Variants in KIF6 observed in about 807,000 individuals in gnomAD.
KIF6 encodes the protein kinesin-like protein KIF6.
KIF6 carries 106 observed loss-of-function variants against 112.7 expected under a neutral mutation model. The ratio of observed to expected loss-of-function variants is 0.94; its 90% CI spans 0.80 to 1.11. The LOEUF (loss-of-function observed/expected upper bound fraction) is 1.11, where lower values mean the gene tolerates loss of function less well. KIF6 is among the 50% of genes least tolerant of loss of function. KIF6 has a pLI of 0.00. For synonymous variants in KIF6, 339 were observed against 339.9 expected, an observed-to-expected ratio of 1.00 and a Z score of 0.03; for missense variants, 929 against 964.0, an observed-to-expected ratio of 0.96 and a Z score of 0.48.
intron 7 of KIF6, among the ~76,000 whole-genome samples, 196 bp downstream of exon 7, chr6:39,595,858 G>GT (rs1283238126): frequency 6.6e-6 from 1 of 152,148 alleles, no homozygotes; most frequent in Admixed American, 6.5e-5. Context: ...GAAATGGATA[G>GT]TGCCAATGGT....
At chr6:39,430,061 G>A (rs377041603) in intron 14 of KIF6, among the ~76,000 whole-genome samples, 25 of 152,088 alleles carry the variant, frequency 1.6e-4, no homozygotes, top group African/African-American at 5.5e-4. Flanking sequence ...TTTCTCTGTC[G>A]CATCTGACAC....
At chr6:39,424,178 C>T (rs576444459) in intron 14 of KIF6, among the ~76,000 whole-genome samples, 10 of 152,302 alleles carry the variant, frequency 6.6e-5, no homozygotes, top group South Asian at 4.1e-4. Context: ...ATCTTGGGGA[C>T]GTCCCCTTTA....
At chr6:39,511,818 C>T (rs1776804625) in intron 13 of KIF6, among the ~76,000 whole-genome samples, 1 of 152,192 alleles carries the variant, frequency 6.6e-6, no homozygotes. Context: ...TGGAAACTAT[C>T]ATTCTCAGCA....
chr6:39,487,021 ATGT>A (rs1167097371), intron 13 of KIF6, among the ~76,000 whole-genome samples: 1 of 152,188 alleles, frequency 6.6e-6, no homozygotes, highest in Admixed American at 6.5e-5. Flanking sequence ...TAACAACCAA[ATGT>A]TGTTAACAGT....
At chr6:39,662,051 T>C (rs1055180868) in intron 3 of KIF6, among the ~76,000 whole-genome samples, 6 of 152,346 alleles carry the variant, frequency 3.9e-5, no homozygotes, top group African/African-American at 1.2e-4. Context: ...AATAACATTA[T>C]AGAATATATT....
intron 10 of KIF6, among the ~76,000 whole-genome samples, chr6:39,560,083 G>A (rs1033676519): frequency 6.6e-6 from 1 of 152,190 alleles, no homozygotes; most frequent in South Asian, 2.1e-4. Flanking sequence ...CAGAAAACCT[G>A]CAGGCATTCC....
intron 14 of KIF6, among the ~76,000 whole-genome samples, chr6:39,425,919 C>T (rs886590331): frequency 2.6e-5 from 4 of 152,068 alleles, no homozygotes; most frequent in East Asian, 3.9e-4. Flanking sequence ...ACCCTCGGTC[C>T]GGTTTTCCTG....
chr6:39,568,583 T>G (rs889104724), intron 10 of KIF6, among the ~76,000 whole-genome samples: 2 of 151,942 alleles, frequency 1.3e-5, no homozygotes, highest in African/African-American at 2.4e-5. Flanking sequence ...GGAGTCTTGC[T>G]CTTGTCACCC....
chr6:39,492,834 C>G (rs549937686), intron 13 of KIF6, among the ~76,000 whole-genome samples: 3 of 152,256 alleles, frequency 2.0e-5, no homozygotes, highest in Admixed American at 6.5e-5. Context: ...TGACCTTGAG[C>G]CTGATGCTTT....
intron 15 of KIF6, among the ~76,000 whole-genome samples, chr6:39,399,877 G>GC (rs1768556305): frequency 6.6e-6 from 1 of 152,238 alleles, no homozygotes; most frequent in South Asian, 2.1e-4. Context: ...CATCGCCAGG[G>GC]CCACAGGGTC....
intron 5 of KIF6, among the ~76,000 whole-genome samples, chr6:39,618,387 A>G (rs1167017081): frequency 1.3e-5 from 2 of 152,318 alleles, no homozygotes; most frequent in Admixed American, 1.3e-4. Context: ...ATCCAACTGA[A>G]TGGACCCCCT....
intron 19 of KIF6, chr6:39,353,930 G>A (rs1220663977): frequency 3.5e-6 from 2 of 570,672 alleles, no homozygotes; most frequent in African/African-American, 1.9e-5. Context: ...GACCCATGGG[G>A]GTGCCACTGC....
chr6:39,460,893 T>C (rs1168715074), intron 13 of KIF6, among the ~76,000 whole-genome samples: 1 of 152,216 alleles, frequency 6.6e-6, no homozygotes, highest in African/African-American at 2.4e-5. Context: ...CTTCCTTGGC[T>C]TAGAATACCC....
At chr6:39,518,104 A>C (rs1777178588) in intron 13 of KIF6, among the ~76,000 whole-genome samples, 1 of 152,230 alleles carries the variant, frequency 6.6e-6, no homozygotes, top group Admixed American at 6.5e-5. Flanking sequence ...CCTATGACTC[A>C]GGAAATCAAC....
intron 13 of KIF6, among the ~76,000 whole-genome samples, chr6:39,489,757 T>A (rs1462143808): frequency 1.3e-5 from 2 of 152,194 alleles, no homozygotes; most frequent in African/African-American, 4.8e-5. Flanking sequence ...ATGAAACTAC[T>A]CGATACAAAC....
intron 13 of KIF6, among the ~76,000 whole-genome samples, chr6:39,535,936 A>G (rs1470171489): frequency 1.3e-5 from 2 of 152,204 alleles, no homozygotes; most frequent in Non-Finnish European, 2.9e-5. Flanking sequence ...ACTACATGGA[A>G]ACTGAACAAT....
intron 10 of KIF6, among the ~76,000 whole-genome samples, chr6:39,560,971 G>A (rs949032060): frequency 6.6e-6 from 1 of 152,212 alleles, no homozygotes; most frequent in Non-Finnish European, 1.5e-5. Context: ...AAATACTGTT[G>A]CATACACTCC....
chr6:39,422,161 A>T (rs1056813550), intron 14 of KIF6, among the ~76,000 whole-genome samples: 10 of 152,180 alleles, frequency 6.6e-5, no homozygotes, highest in African/African-American at 2.4e-4. Context: ...AATTCACATC[A>T]ATGCTGGAGG....
chr6:39,695,527 A>C (rs535271330), intron 3 of KIF6, among the ~76,000 whole-genome samples: 105 of 152,272 alleles, frequency 6.9e-4, no homozygotes, highest in African/African-American at 2.4e-3. Flanking sequence ...AAGATATACA[A>C]ATGGGCAACC....
Sources: gnomAD v4.1 joint callset for allele counts (sites outside exome capture counted in the v4.1 genomes callset) on GRCh38, gnomAD v4.1.1 for gene constraint, MANE v1.5 for transcripts, NCBI Gene and HGNC (gene_info 2026-07-23, HGNC 2026-07-21) for gene names.